The following RGSL1 variants were observed in gnomAD, a reference collection of about 807,000 sequenced individuals.
RGSL1 encodes regulator of G protein signaling like 1.
Under a neutral mutation model 124.7 loss-of-function variants are expected in RGSL1, and 97 were observed. The ratio of observed to expected loss-of-function variants is 0.78; its 90% confidence interval spans 0.66 to 0.92. The LOEUF (loss-of-function observed/expected upper bound fraction) is 0.92. Ranked by LOEUF, RGSL1 falls within the 40% of genes least tolerant of loss-of-function variation. The pLI, the probability that RGSL1 is intolerant of heterozygous loss-of-function variation, is 0.00. For synonymous variants in RGSL1, 424 were observed against 438.1 expected (o/e 0.97, Z 0.40); for missense variants, 1,233 against 1,288.4 (o/e 0.96, Z 0.66).
intron 9 of RGSL1, among the ~76,000 whole-genome samples, chr1:182,516,013 G>C (rs1002162070): frequency 7.7e-4 from 117 of 152,204 alleles, no homozygotes; most frequent in African/African-American, 2.6e-3. Flanking sequence ...TTCAAACCGT[G>C]AAAGAAGAGA....
intron 4 of RGSL1, among the ~76,000 whole-genome samples, chr1:182,468,263 C>T (rs539709812): frequency 2.6e-5 from 4 of 152,328 alleles, no homozygotes; most frequent in Non-Finnish European, 5.9e-5. Context: ...CATCCCATTA[C>T]TGGGTACATA....
intron 14 of RGSL1, among the ~76,000 whole-genome samples, chr1:182,537,611 T>C (rs59480621): frequency 0.016 from 2,470 of 152,322 alleles, 57 homozygotes; most frequent in African/African-American, 0.053. Context: ...TTGGATCTTC[T>C]TTTTATGATT....
At chr1:182,541,751 CT>C (rs1477327750) in intron 15 of RGSL1, among the ~76,000 whole-genome samples, 1 of 152,068 alleles carries the variant, frequency 6.6e-6, no homozygotes, top group African/African-American at 2.4e-5. Context: ...TATTCCCTGT[CT>C]TTTTGATAAT....
chr1:182,488,205 C>A, intron 6 of RGSL1, 80 bp from the exon 7 acceptor site: 2 of 1,360,648 alleles, frequency 1.5e-6, no homozygotes, highest in Non-Finnish European at 2.0e-6. Flanking sequence ...GCCTACTCTG[C>A]TCCCAGGTGA....
intron 10 of RGSL1, among the ~76,000 whole-genome samples, chr1:182,527,111 A>G (rs1041270034): frequency 1.2e-4 from 18 of 152,178 alleles, no homozygotes; most frequent in African/African-American, 3.9e-4. Flanking sequence ...GGCACAGATT[A>G]CCCAGGAAAA....
intron 4 of RGSL1, among the ~76,000 whole-genome samples, chr1:182,467,654 C>T (rs1485060402): frequency 6.6e-6 from 1 of 152,174 alleles, no homozygotes; most frequent in African/African-American, 2.4e-5. Context: ...AGACCTAAAA[C>T]CATAAAATCC....
intron 9 of RGSL1, among the ~76,000 whole-genome samples, chr1:182,509,761 G>C (rs1293018587): frequency 1.5e-5 from 2 of 135,342 alleles, no homozygotes; most frequent in Non-Finnish European, 3.3e-5. Context: ...TGGCCGGGTG[G>C]GGGGGCTGAC....
intron 4 of RGSL1, 32 bp from the exon 5 acceptor site, chr1:182,472,364 A>G (rs1011477799): frequency 5.9e-6 from 9 of 1,530,922 alleles, no homozygotes; most frequent in Admixed American, 2.0e-5. Flanking sequence ...AAACTAGGGT[A>G]TAGCTCTGTG....
At chr1:182,539,097 T>C (rs1272866227) in intron 14 of RGSL1, among the ~76,000 whole-genome samples, 1 of 152,126 alleles carries the variant, frequency 6.6e-6, no homozygotes, top group East Asian at 1.9e-4. Flanking sequence ...TAGCCAAAAA[T>C]CTATTACAGT....
intron 5 of RGSL1, among the ~76,000 whole-genome samples, chr1:182,472,910 G>T (rs1653969487): frequency 6.6e-6 from 1 of 152,148 alleles, no homozygotes; most frequent in African/African-American, 2.4e-5. Context: ...CAGCCCACCA[G>T]CCAAATGCAC....
chr1:182,532,294 A>T (rs1571671991), intron 13 of RGSL1, among the ~76,000 whole-genome samples: 1 of 151,990 alleles, frequency 6.6e-6, no homozygotes, highest in East Asian at 1.9e-4. Context: ...AATGTTTCCA[A>T]ATTTGCCTGA....
At chr1:182,455,961 T>C (rs1421041782) in intron 2 of RGSL1, among the ~76,000 whole-genome samples, 1 of 152,118 alleles carries the variant, frequency 6.6e-6, no homozygotes, top group Admixed American at 6.5e-5. Flanking sequence ...CAGGAGACCT[T>C]AATGGAGGAA....
At position 182,558,327 on chromosome 1, in the gene RGSL1, AG is replaced by A. The variant is rs148211996; in HGVS notation, c.*166-1949del. Among the ~76,000 whole-genome samples the A allele has an allele frequency of 9.2e-3, 1,397 of 152,314 alleles. 25 individuals carry two copies. Among genetic ancestry groups the A allele is most frequent in the African/African-American group, 0.033 (1,352 of 41,560 alleles). On this transcript the variant is annotated intron_variant, in intron 21 of 21. Coordinates refer to ENST00000294854, the MANE Select transcript of RGSL1 (RefSeq NM_001137669.2). ...CCGTCTAAGGAAAAGGCCAAGAAAGAGGGACCAGGTAAGGAACCTGGCCTAC... is the reference window on the plus strand; with the variant it reads ...CCGTCTAAGGAAAAGGCCAAGAAAGAGGACCAGGTAAGGAACCTGGCCTAC...
intron 10 of RGSL1, among the ~76,000 whole-genome samples, chr1:182,522,600 C>A (rs765014047): frequency 2.6e-5 from 4 of 152,178 alleles, no homozygotes; most frequent in South Asian, 4.1e-4. Context: ...CACAACTAGG[C>A]AAATACTCTG....
chr1:182,481,694 C>T (rs1424713610), intron 6 of RGSL1, among the ~76,000 whole-genome samples: 7 of 152,154 alleles, frequency 4.6e-5, no homozygotes, highest in Non-Finnish European at 7.3e-5. Flanking sequence ...CAAGAAAATA[C>T]GAGCATGGCC....
At chr1:182,548,510 A>G (rs1660363423) in intron 16 of RGSL1, 55 bp downstream of exon 16, 1 of 1,545,458 alleles carries the variant, frequency 6.5e-7, no homozygotes, top group Non-Finnish European at 8.7e-7. Context: ...TTTCCCCCAC[A>G]AGGACAATTA....
chr1:182,453,052 A>G lies in RGSL1; in HGVS notation c.14-906A>G, dbSNP rs113228091. ...CTAAGGAGCATAGACAGTAAATTAG[A>G]GGAAACTCTTATTTACTAGAGGAGT... On this transcript the variant is annotated intron_variant, in intron 1 of 21. Coordinates refer to ENST00000294854, the MANE Select transcript of RGSL1 (RefSeq NM_001137669.2). Among the ~76,000 whole-genome samples, 975 of 152,296 alleles carry G rather than the reference A, an allele frequency of 6.4e-3. 11 individuals carry two copies. The highest frequency in any genetic ancestry group is 0.02 in the African/African-American group (811 of 41,540).
chr1:182,466,083 A>T (rs1012805990), intron 4 of RGSL1, among the ~76,000 whole-genome samples: 1 of 152,174 alleles, frequency 6.6e-6, no homozygotes, highest in Admixed American at 6.5e-5. Context: ...ATCTCAATAG[A>T]TGCAGAAAAA....
intron 21 of RGSL1, among the ~76,000 whole-genome samples, chr1:182,559,175 C>G (rs1295898203): frequency 1.3e-5 from 2 of 152,208 alleles, no homozygotes; most frequent in Non-Finnish European, 2.9e-5. Context: ...TTACAACGCA[C>G]TCTCCCATTT....
Sources: allele counts gnomAD v4.1 joint callset (sites outside exome capture counted in the v4.1 genomes callset), GRCh38; gene constraint gnomAD v4.1.1; transcripts MANE v1.5; gene names NCBI Gene and HGNC (gene_info 2026-07-23, HGNC 2026-07-21).